The following NDUFAF8 variants were observed in gnomAD, a reference collection of about 807,000 sequenced individuals.
NDUFAF8 encodes NADH dehydrogenase [ubiquinone] 1 alpha subcomplex assembly factor 8.
In NDUFAF8, 9 loss-of-function variants were observed where a neutral mutation model predicts 9.9. The ratio of observed to expected loss-of-function variants is 0.91; its 90% CI spans 0.55 to 1.59. The LOEUF is 1.59. Among genes scored for constraint, NDUFAF8 ranks in the 40% most tolerant of loss-of-function variants. NDUFAF8 has a pLI of 0.00. For synonymous variants in NDUFAF8, 63 were observed against 51.2 expected, an observed-to-expected ratio of 1.23 and a Z score of -0.98; for missense variants, 114 against 113.8, an observed-to-expected ratio of 1.00 and a Z score of -0.01.
intron 1 of NDUFAF8, 58 bp downstream of exon 1, chr17:81,239,505 G>T: frequency 7.0e-7 from 1 of 1,437,740 alleles, no homozygotes. Flanking sequence ...CGGGGAGGTG[G>T]CTGGGAGGGA....
chr17:81,240,159 C>T (rs1325122551), intron 2 of NDUFAF8: 2 of 189,120 alleles, frequency 1.1e-5, no homozygotes, highest in Admixed American at 1.1e-4. Flanking sequence ...GCCCGTGGGG[C>T]TTTAAGTCAT....
In NDUFAF8 at chr17:81,239,675, T is replaced by C; in HGVS notation, c.192T>C (p.Ala64=). ...AGGCCCTGCGGAGCTGCTTCGCCGC[T>C]GCGGTAGGTGGGCGCGGGCCCCTTC... is the stretch of plus-strand genomic sequence containing the variant. The part of the protein sequence containing the change: ...EFEALRSCFA[A]AAKKTLEGGC Residue 64 remains alanine (A), a synonymous_variant, in exon 2 of 3, where the codon GCT becomes GCC. Transcript: ENST00000431388. 6.5e-7 allele frequency: 1 copy of C among 1,538,438 alleles called. No homozygotes were observed. Among genetic ancestry groups the C allele is most frequent in the East Asian group, 2.4e-5 (1 of 40,886 alleles).
Position 81,241,080 on chromosome 17 carries a change from CT to C in NDUFAF8, c.*65del. Reference sequence around the variant, plus strand: ...TGCAGAGCCCTAGTCCTGATGGCCCCTGGTGGCACATATCGAATGCCTAGGG... The same window carrying C: ...TGCAGAGCCCTAGTCCTGATGGCCCCGGTGGCACATATCGAATGCCTAGGG... On this transcript the variant is annotated 3_prime_UTR_variant, in exon 3 of 3. Transcript: ENST00000431388. The C allele has an allele frequency of 6.4e-7, 1 of 1,565,016 alleles. No homozygotes were observed.
Position 81,241,166 on chromosome 17 carries a change from C to A in NDUFAF8, c.*150C>A. The A allele has an allele frequency of 7.1e-7, 1 of 1,404,412 alleles. No individual in the cohort carries two copies. 87.0% of individuals were successfully genotyped at this position (1,404,412 alleles called of 1,614,324 possible). A position where few individuals can be genotyped will look rare whatever the true frequency, so the allele number is the denominator to read the frequency against. On this transcript the variant is annotated 3_prime_UTR_variant, in exon 3 of 3. Coordinates refer to ENST00000431388, the MANE Select transcript of NDUFAF8 (RefSeq NM_001086521.2). The stretch of plus-strand genomic sequence containing the variant: ...TCCTCGGTGTTAGATCCTGTTTTTT[C>A]TTAACAAGTTGAGGCGTGGGTAGAG...
chr17:81,240,232 C>G (rs1460594413), intron 2 of NDUFAF8: 1 of 161,002 alleles, frequency 6.2e-6, no homozygotes, highest in African/African-American at 2.4e-5. Context: ...CTGGGTAGGC[C>G]TTGATGCCAG....
chr17:81,239,867 G>T (rs971559782), intron 2 of NDUFAF8, 189 bp downstream of exon 2: 121 of 664,198 alleles, frequency 1.8e-4, no homozygotes, highest in Non-Finnish European at 2.5e-5. Context: ...GCTTGTCCCT[G>T]CATGTTTGTA....
Position 81,241,127 on chromosome 17 carries a change from C to T in NDUFAF8, c.*111C>T, listed in dbSNP as rs76221565. ...TAGGGCAGAAAGGAAGTGGGAATGG[C>T]GAAGATGTGACATTCCTCGGTGTTA... is the stretch of plus-strand genomic sequence containing the variant. On this transcript the variant is annotated 3_prime_UTR_variant, in exon 3 of 3. Coordinates refer to ENST00000431388, the MANE Select transcript of NDUFAF8 (RefSeq NM_001086521.2). 3,238 of 1,450,946 alleles carry T rather than the reference C, an allele frequency of 2.2e-3. 36 individuals are homozygous for T. The East Asian group carries it at 0.032, about 14-fold the overall frequency. The allele number at this position is 1,450,946 out of a possible 1,614,324, so 89.9% of individuals were successfully genotyped here. A position where few individuals can be genotyped will look rare whatever the true frequency, so the allele number is the denominator to read the frequency against.
At chr17:81,239,707 T>A in intron 2 of NDUFAF8, 29 bp downstream of exon 2, 1 of 1,523,432 alleles carries the variant, frequency 6.6e-7, no homozygotes, top group South Asian at 1.2e-5. Context: ...CTTCCCCCCT[T>A]CCCAGCCCTT....
intron 2 of NDUFAF8, among the ~76,000 whole-genome samples, chr17:81,240,735 T>A (rs1314689786): frequency 6.7e-6 from 1 of 149,944 alleles, no homozygotes; most frequent in Non-Finnish European, 1.5e-5. Flanking sequence ...ATGTGGCATC[T>A]CGTGGGGGCT....
chr17:81,239,711 A>G (rs2062794428), intron 2 of NDUFAF8, 33 bp downstream of exon 2: 1 of 1,522,728 alleles, frequency 6.6e-7, no homozygotes, highest in African/African-American at 1.4e-5. Context: ...CCCCCTTCCC[A>G]GCCCTTCCCC....
chr17:81,240,927 G>A (rs1489006081), intron 2 of NDUFAF8, 60 bp from the exon 3 acceptor site: 2 of 1,582,992 alleles, frequency 1.3e-6, no homozygotes, highest in Admixed American at 1.8e-5. Context: ...GTGGTAGCTT[G>A]CTTTTGAGGC....
rs976701620 is a variant in NDUFAF8 at position 81,239,403 on chromosome 17, C to A, written c.40C>A (p.Arg14Ser). Residue 14 changes from arginine to serine, a missense_variant, in exon 1 of 3, where the codon CGC becomes AGC. Physicochemically the swap from Arg to Ser is moderately radical, Grantham distance 110. Transcript: ENST00000431388. ...NGAVWGRVRS[R>S]LRAFPERLAA... Reference sequence around the variant, plus strand: ...AGCGGTGTGGGGCCGCGTGCGAAGCCGCCTCCGCGCCTTCCCCGAGCGGCT... The same window carrying A: ...AGCGGTGTGGGGCCGCGTGCGAAGCAGCCTCCGCGCCTTCCCCGAGCGGCT... 9.5e-6 allele frequency: 13 copies of A among 1,363,560 alleles called. No homozygotes were observed. Among genetic ancestry groups the A allele is most frequent in the Non-Finnish European group, 1.2e-5 (13 of 1,057,290 alleles). 84.5% of individuals were successfully genotyped at this position (1,363,560 alleles called of 1,614,324 possible). A position where few individuals can be genotyped will look rare whatever the true frequency, so the allele number is the denominator to read the frequency against.
Position 81,240,995 on chromosome 17 carries a change from G to A in NDUFAF8, c.204G>A (p.Lys68=). Residue 68 remains lysine (K), a synonymous_variant, in exon 3 of 3, where the codon AAG becomes AAA. Coordinates refer to ENST00000431388, the MANE Select transcript of NDUFAF8 (RefSeq NM_001086521.2). ...AACACTTTATCTTGCAGGCCAAGAA[G>A]ACGCTGGAGGGAGGCTGTTAGGAGG... ...LRSCFAAAAK[K]TLEGGC is the part of the protein sequence containing the mutation. 6.2e-7 allele frequency: 1 copy of A among 1,613,360 alleles called. No homozygotes were observed. The highest frequency in any genetic ancestry group is 8.5e-7 in the Non-Finnish European group (1 of 1,179,716).
Position 81,241,028 on chromosome 17 carries a change from A to G in NDUFAF8, c.*12A>G. 6.2e-7 allele frequency: 1 copy of G among 1,612,990 alleles called. No individual in the cohort carries two copies. Among genetic ancestry groups the G allele is most frequent in the South Asian group, 1.1e-5 (1 of 90,872 alleles). ...AGGGAGGCTGTTAGGAGGGACTCTG[A>G]GCTTCACACCTGTCTGCTGCCATGG... On this transcript the variant is annotated 3_prime_UTR_variant, in exon 3 of 3. Coordinates refer to ENST00000431388, the MANE Select transcript of NDUFAF8 (RefSeq NM_001086521.2).
In NDUFAF8 at chr17:81,241,167, T is replaced by C. The variant is rs763004488; in HGVS notation, c.*151T>C. ...CCTCGGTGTTAGATCCTGTTTTTTC[T>C]TAACAAGTTGAGGCGTGGGTAGAGC... On this transcript the variant is annotated 3_prime_UTR_variant, in exon 3 of 3. Transcript: ENST00000431388. 4 of 1,404,456 alleles carry C rather than the reference T, an allele frequency of 2.8e-6. No individual in the cohort carries two copies. The East Asian group carries it at 7.8e-5, about 27-fold the overall frequency. The allele number at this position is 1,404,456 out of a possible 1,614,324, so 87.0% of individuals were successfully genotyped here. A position where few individuals can be genotyped will look rare whatever the true frequency, so the allele number is the denominator to read the frequency against.
chr17:81,240,869 C>T (rs1297684436), intron 2 of NDUFAF8, 118 bp from the exon 3 acceptor site: 4 of 1,330,810 alleles, frequency 3.0e-6, no homozygotes, highest in Admixed American at 2.3e-5. Flanking sequence ...CACCATATGC[C>T]AGCACCCAAG....
rs757211482 is a variant in NDUFAF8 at position 81,239,573 on chromosome 17, G to T, written c.90G>T (p.Ala30=). 1.3e-6 allele frequency: 2 copies of T among 1,531,504 alleles called. No homozygotes were observed. The highest frequency in any genetic ancestry group is 2.5e-5 in the East Asian group (1 of 40,180). The allele number at this position is 1,531,504 out of a possible 1,614,324, so 94.9% of individuals were successfully genotyped here. ...ERLAACGAEA[A]AYGRCVQAST... ...CACGCCCGTCCTTTCCGCAGGCCGC[G>T]GCGTACGGCAGGTGCGTGCAGGCCT... is the stretch of plus-strand genomic sequence containing the variant. Residue 30 remains alanine (A), a synonymous_variant, in exon 2 of 3, where the codon GCG becomes GCT. Coordinates refer to ENST00000431388, the MANE Select transcript of NDUFAF8 (RefSeq NM_001086521.2).
chr17:81,240,517 G>GA (rs928402987), intron 2 of NDUFAF8: 58 of 151,694 alleles, frequency 3.8e-4, no homozygotes, highest in South Asian at 1.7e-3. Context: ...CAAAAAAAAA[G>GA]AAAAAAAAAA....
rs377540343 is a variant in NDUFAF8, at chr17:81,239,391, C to T, written c.28C>T (p.Arg10Cys). Residue 10 changes from arginine (R) to cysteine (C), a missense_variant, in exon 1 of 3, where the codon CGC (arginine) becomes TGC (cysteine). Transcript: ENST00000431388. Reference sequence around the variant, plus strand: ...GTCGGCTAACGGAGCGGTGTGGGGCCGCGTGCGAAGCCGCCTCCGCGCCTT... The same window carrying T: ...GTCGGCTAACGGAGCGGTGTGGGGCTGCGTGCGAAGCCGCCTCCGCGCCTT... MSANGAVWGRVRSRLRAFPE... is the reference protein window; with the variant it reads MSANGAVWGCVRSRLRAFPE... 8.1e-5 allele frequency: 111 copies of T among 1,368,072 alleles called. No individual in the cohort carries two copies. In the African/African-American group the frequency reaches 1.5e-3, roughly 19 times the overall value. 84.7% of individuals were successfully genotyped at this position (1,368,072 alleles called of 1,614,324 possible).
Sources: gnomAD v4.1 joint callset for allele counts (sites outside exome capture counted in the v4.1 genomes callset) on GRCh38, gnomAD v4.1.1 for gene constraint, MANE v1.5 for transcripts, NCBI Gene and HGNC (gene_info 2026-07-23, HGNC 2026-07-21) for gene names.